The following TMEM117 variants were observed in gnomAD, a reference collection of about 807,000 sequenced individuals.
TMEM117 encodes transmembrane protein 117.
Under a neutral mutation model 52.4 loss-of-function variants are expected in TMEM117, and 27 were observed. That is an observed-to-expected ratio of 0.51 (90% CI 0.38 to 0.71). The LOEUF (loss-of-function observed/expected upper bound fraction) is 0.71, where lower values mean the gene tolerates loss of function less well. Among genes scored for constraint, TMEM117 ranks in the 30% least tolerant of loss-of-function variants. The pLI is 0.00. For missense variants in TMEM117, 556 were observed against 630.5 expected (o/e 0.88, Z 1.26); for synonymous variants, 215 against 206.3 (o/e 1.04, Z -0.36).
At chr12:44,044,685 A>C (rs1216794505) in intron 3 of TMEM117, among the ~76,000 whole-genome samples, 1 of 152,196 alleles carries the variant, frequency 6.6e-6, no homozygotes, top group Non-Finnish European at 1.5e-5. Flanking sequence ...GGGCTGACTC[A>C]TAGATGGCTT....
chr12:44,360,367 G>C (rs1444899977), intron 6 of TMEM117, among the ~76,000 whole-genome samples: 1 of 152,008 alleles, frequency 6.6e-6, no homozygotes, highest in Non-Finnish European at 1.5e-5. Context: ...ATCACCTGAA[G>C]TCAGGCATTT....
At chr12:44,037,986 C>G (rs1946737506) in intron 3 of TMEM117, among the ~76,000 whole-genome samples, 3 of 152,088 alleles carry the variant, frequency 2.0e-5, no homozygotes, top group African/African-American at 7.2e-5. Flanking sequence ...TCGGGATGCC[C>G]TGCCTGCAGA....
intron 3 of TMEM117, among the ~76,000 whole-genome samples, chr12:44,020,771 C>T (rs551075320): frequency 1.1e-4 from 17 of 152,106 alleles, no homozygotes; most frequent in African/African-American, 3.6e-4. Flanking sequence ...GAACTCAGCC[C>T]ACAATCTACA....
intron 3 of TMEM117, among the ~76,000 whole-genome samples, chr12:44,134,007 G>C (rs1948453304): frequency 6.6e-6 from 1 of 152,134 alleles, no homozygotes; most frequent in South Asian, 2.1e-4. Flanking sequence ...ACTCTCTCCA[G>C]GTTACACATT....
chr12:43,898,478 G>A (rs1592344586), intron 2 of TMEM117, among the ~76,000 whole-genome samples: 3 of 151,696 alleles, frequency 2.0e-5, no homozygotes, highest in Non-Finnish European at 4.4e-5. Flanking sequence ...GTTAATAATA[G>A]ACCCTACTTG....
chr12:44,095,161 G>T (rs2138055517), intron 3 of TMEM117, among the ~76,000 whole-genome samples: 1 of 152,192 alleles, frequency 6.6e-6, no homozygotes, highest in Admixed American at 6.5e-5. Context: ...TGCTGTACAT[G>T]CACATGACCC....
rs537722441 is a variant in TMEM117, at chr12:44,266,244, A to T, written c.609-33336A>T. ...ACTGGCTATAGCAGTTTGTAATCCTACCAGCAATGAATGATGGTTCTAATT... is the reference window on the plus strand; with the variant it reads ...ACTGGCTATAGCAGTTTGTAATCCTTCCAGCAATGAATGATGGTTCTAATT... On this transcript the variant is annotated intron_variant, in intron 5 of 7. Transcript: ENST00000266534. Among the ~76,000 whole-genome samples the T allele has an allele frequency of 2.0e-5, 3 of 152,280 alleles. No homozygotes were observed. In the South Asian group the frequency reaches 6.2e-4, roughly 32 times the overall value.
At chr12:44,383,615 A>G (rs1279383371) in intron 7 of TMEM117, among the ~76,000 whole-genome samples, 1 of 152,186 alleles carries the variant, frequency 6.6e-6, no homozygotes, top group African/African-American at 2.4e-5. Flanking sequence ...GCTGATTTAC[A>G]TTGTGCTAGG....
Position 44,049,621 on chromosome 12 carries a change from A to T in TMEM117, c.411-93904A>T, listed in dbSNP as rs372896678. 9.9e-5 allele frequency among the ~76,000 whole-genome samples: 15 copies of T among 151,872 alleles called. No individual in the cohort carries two copies. In the East Asian group the frequency reaches 1.9e-3, roughly 20 times the overall value. ...GCATTTATTTCCTTGCATGTGGGAC[A>T]TTATGTGAGAGCACCAAAAGACAAG... is the stretch of plus-strand genomic sequence containing the variant. On this transcript the variant is annotated intron_variant, in intron 3 of 7. Coordinates refer to ENST00000266534, the MANE Select transcript of TMEM117 (RefSeq NM_032256.3).
intron 5 of TMEM117, among the ~76,000 whole-genome samples, chr12:44,286,731 A>G (rs1016099291): frequency 6.6e-6 from 1 of 152,208 alleles, no homozygotes; most frequent in African/African-American, 2.4e-5. Flanking sequence ...ATCTGGATTT[A>G]TTTACATGTG....
intron 2 of TMEM117, among the ~76,000 whole-genome samples, chr12:43,850,825 A>G (rs943006668): frequency 1.3e-5 from 2 of 152,154 alleles, no homozygotes; most frequent in African/African-American, 2.4e-5. Flanking sequence ...TTAAAAGGAC[A>G]TATTTAACAA....
intron 2 of TMEM117, among the ~76,000 whole-genome samples, chr12:43,883,811 A>G (rs538854166): frequency 6.6e-6 from 1 of 152,216 alleles, no homozygotes; most frequent in Non-Finnish European, 1.5e-5. Flanking sequence ...GATCTAGCCA[A>G]GCAACTCTAT....
At chr12:44,314,630 A>G (rs1216534934) in intron 6 of TMEM117, among the ~76,000 whole-genome samples, 1 of 149,812 alleles carries the variant, frequency 6.7e-6, no homozygotes. Flanking sequence ...GCAGTGGCGC[A>G]ATTTCAGCTC....
In TMEM117 at chr12:43,992,753, A is replaced by C. The variant is rs556131357; in HGVS notation, c.410+48411A>C. On this transcript the variant is annotated intron_variant, in intron 3 of 7. Coordinates refer to ENST00000266534, the MANE Select transcript of TMEM117 (RefSeq NM_032256.3). ...GCTGTGGCACAAGTTGCATTATTGG[A>C]CCCCATTTTGCTTCCTTTCCTCAGG... Among the ~76,000 whole-genome samples the C allele has an allele frequency of 7.2e-5, 11 of 152,034 alleles. No homozygotes were observed. The East Asian group carries it at 1.9e-3, about 27-fold the overall frequency.
chr12:43,819,380 C>A, the TMEM117 span, among the ~76,000 whole-genome samples: 1 of 152,158 alleles, frequency 6.6e-6, no homozygotes, highest in Non-Finnish European at 1.5e-5. Context: ...TATCTTGTTT[C>A]TCAGAAAAGT....
chr12:44,159,457 TGAATGGTTAATCAAG>T, intron 4 of TMEM117, among the ~76,000 whole-genome samples: 1 of 152,164 alleles, frequency 6.6e-6, no homozygotes, highest in South Asian at 2.1e-4. Context: ...TGCAGAGGTG[TGAATGGTTAATCAAG>T]CTGAAACAAT....
intron 2 of TMEM117, among the ~76,000 whole-genome samples, chr12:43,940,218 C>T (rs975303077): frequency 3.9e-5 from 6 of 152,184 alleles, no homozygotes; most frequent in African/African-American, 1.4e-4. Context: ...CTCGGTCTAT[C>T]TGATCCCTGC....
chr12:43,944,357 C>G lies in TMEM117; in HGVS notation c.410+15C>G, dbSNP rs767946255. 175 of 1,603,304 alleles carry G rather than the reference C, an allele frequency of 1.1e-4. No homozygotes were observed. Among genetic ancestry groups the G allele is most frequent in the Non-Finnish European group, 1.4e-4 (164 of 1,174,816 alleles). On this transcript the variant is annotated intron_variant, in intron 3 of 7. Transcript: ENST00000266534. ...GGGAACATGGGGTAGGTTTTCTTTCCCCTTTCTACTGTGGTGAGTGTTATG... is the reference window on the plus strand; with the variant it reads ...GGGAACATGGGGTAGGTTTTCTTTCGCCTTTCTACTGTGGTGAGTGTTATG...
intron 4 of TMEM117, among the ~76,000 whole-genome samples, chr12:44,188,664 T>A (rs1949310742): frequency 6.6e-6 from 1 of 152,088 alleles, no homozygotes; most frequent in Admixed American, 6.6e-5. Flanking sequence ...CTCAATAAAT[T>A]TAGCCTTACC....
Sources: gnomAD v4.1 joint callset for allele counts (sites outside exome capture counted in the v4.1 genomes callset) on GRCh38, gnomAD v4.1.1 for gene constraint, MANE v1.5 for transcripts, NCBI Gene and HGNC (gene_info 2026-07-23, HGNC 2026-07-21) for gene names.